The following SPHK2 variants were observed in gnomAD, a reference collection of about 807,000 sequenced individuals.
SPHK2 encodes sphingosine kinase 2.
Under a neutral mutation model 32.3 loss-of-function variants are expected in SPHK2, and 18 were observed. The ratio of observed to expected loss-of-function variants is 0.56; its 90% CI spans 0.39 to 0.83. The LOEUF (loss-of-function observed/expected upper bound fraction) is 0.83, where lower values mean the gene tolerates loss of function less well. Among genes scored for constraint, SPHK2 ranks in the 40% least tolerant of loss-of-function variants. The pLI is 0.00. For missense variants in SPHK2, 850 were observed against 908.7 expected (o/e 0.94, Z 0.83); for synonymous variants, 462 against 417.6 (o/e 1.11, Z -1.30).
chr19:48,620,266 GATTAA>G (rs1974348716), intron 1 of SPHK2, 131 bp from the exon 2 acceptor site: 2 of 495,780 alleles, frequency 4.0e-6, no homozygotes, highest in African/African-American at 3.8e-5. Context: ...CTGGGGCAGT[GATTAA>G]AATGACTTAT....
rs775688064 is a variant in SPHK2, at chr19:48,629,261, C to A, written c.1453C>A (p.Pro485Thr). The stretch of plus-strand genomic sequence containing the variant: ...CTCTCCCAAGGCAGCTCTACACTCA[C>A]CCGTCTCCGAAGGGGCCCCCGTAAT... ...PGSPKAALHS[P>T]VSEGAPVIPP... The change falls in exon 7 of 7, where the codon CCC becomes ACC. Residue 485 changes from proline (P) to threonine (T), a missense_variant. Pro to Thr is a conservative substitution (Grantham distance 38). Coordinates refer to ENST00000245222, the MANE Select transcript of SPHK2 (RefSeq NM_020126.5). The A allele has an allele frequency of 2.5e-5, 41 of 1,613,572 alleles. No homozygotes were observed. Among genetic ancestry groups the A allele is most frequent in the Admixed American group, 5.0e-5 (3 of 60,006 alleles).
At chr19:48,625,844 G>A (rs1312404776) in intron 2 of SPHK2, 47 bp from the exon 3 acceptor site, 1 of 1,589,828 alleles carries the variant, frequency 6.3e-7, no homozygotes, top group Non-Finnish European at 8.5e-7. Flanking sequence ...CCCTGCCCCT[G>A]CCATGGGGTC....
intron 3 of SPHK2, chr19:48,626,665 A>C: frequency 3.7e-6 from 1 of 272,214 alleles, no homozygotes; most frequent in East Asian, 7.7e-5. Context: ...AAATACAAAA[A>C]ATTAGCCGGG....
At chr19:48,625,062 C>G (rs1025393832) in intron 2 of SPHK2, 3 of 991,670 alleles carry the variant, frequency 3.0e-6, no homozygotes, top group Non-Finnish European at 3.6e-6. Flanking sequence ...GGAGAGCAGG[C>G]GGCCAGACAC....
chr19:48,627,194 T>G (rs1346152135), intron 3 of SPHK2, among the ~76,000 whole-genome samples: 1 of 152,236 alleles, frequency 6.6e-6, no homozygotes, highest in African/African-American at 2.4e-5. Context: ...TGCTGTTCTC[T>G]TGCTAGATTT....
At position 48,629,174 on chromosome 19, in the gene SPHK2, G is replaced by A; in HGVS notation, c.1366G>A (p.Asp456Asn). Residue 456 changes from aspartate (D) to asparagine (N), a missense_variant, in exon 7 of 7, where the codon GAC becomes AAC. Coordinates refer to ENST00000245222, the MANE Select transcript of SPHK2 (RefSeq NM_020126.5). ...LNGGGPELAG[D>N]WGGAGDAPLS... ...CGGTGGGGGCCCAGAGCTGGCTGGGGACTGGGGTGGGGCTGGGGATGCTCC... is the reference window on the plus strand; with the variant it reads ...CGGTGGGGGCCCAGAGCTGGCTGGGAACTGGGGTGGGGCTGGGGATGCTCC... 1 of 1,613,456 alleles carries A rather than the reference G, an allele frequency of 6.2e-7. No homozygotes were observed. Among genetic ancestry groups the A allele is most frequent in the Non-Finnish European group, 8.5e-7 (1 of 1,179,952 alleles).
chr19:48,620,493 T>C lies in SPHK2; in HGVS notation c.-22T>C, dbSNP rs1974357535. 1 of 1,611,504 alleles carries C rather than the reference T, an allele frequency of 6.2e-7. No individual in the cohort carries two copies. Among genetic ancestry groups the C allele is most frequent in the East Asian group, 2.2e-5 (1 of 44,828 alleles). On this transcript the variant is annotated 5_prime_UTR_variant, in exon 2 of 7. The change abolishes the stop of an existing upstream ORF in the 5' untranslated region. Coordinates refer to ENST00000245222, the MANE Select transcript of SPHK2 (RefSeq NM_020126.5). ...ACCCAGGGCCAGGGTCCCGTTGATG[T>C]AACAGAGCAGAGGACCAGCAGATGA...
At position 48,626,168 on chromosome 19, in the gene SPHK2, G is replaced by GCAGCCCCTCAGACT; in HGVS notation, c.322_335dup (p.Ala113ProfsTer100). 6.3e-7 allele frequency: 1 copy of GCAGCCCCTCAGACT among 1,595,898 alleles called. No individual in the cohort carries two copies. Among genetic ancestry groups the GCAGCCCCTCAGACT allele is most frequent in the Non-Finnish European group, 8.5e-7 (1 of 1,171,682 alleles). On this transcript the variant is annotated frameshift_variant, in exon 3 of 7. Transcript: ENST00000245222. LOFTEE classifies it high-confidence loss of function. The stretch of plus-strand genomic sequence containing the variant: ...TCAGGCTGCTGCACCCTGCGAAGCC[G>GCAGCCCCTCAGACT]CAGCCCCTCAGACTCAGCGGCCTAC...
chr19:48,625,363 T>C (rs1360005827), intron 2 of SPHK2: 11 of 1,156,530 alleles, frequency 9.5e-6, no homozygotes, highest in Non-Finnish European at 1.1e-5. Context: ...ATTGCGTTTG[T>C]GATTGTTTTG....
chr19:48,625,233 G>T (rs894029404), intron 2 of SPHK2: 1 of 1,069,060 alleles, frequency 9.4e-7, no homozygotes, highest in Middle Eastern at 4.5e-4. Flanking sequence ...ACTCTGTCTT[G>T]CCTTTCTCGT....
chr19:48,627,574 G>T (rs2147692276), intron 3 of SPHK2, 118 bp from the exon 4 acceptor site: 2 of 1,260,958 alleles, frequency 1.6e-6, no homozygotes, highest in Middle Eastern at 2.9e-4. Context: ...CCACATGAGA[G>T]CCAGCAGGTC....
chr19:48,622,276 A>AAT lies in SPHK2; in HGVS notation c.39+1724_39+1725insTA, dbSNP rs1555740773. Among the ~76,000 whole-genome samples, 275 of 143,296 alleles carry AAT rather than the reference A, an allele frequency of 1.9e-3. 4 individuals carry two copies. Among genetic ancestry groups the AAT allele is most frequent in the African/African-American group, 6.7e-3 (261 of 39,046 alleles). The allele number at this position is 143,296 out of a possible 152,430, so 94.0% of individuals were successfully genotyped here. ...TCCGTCTCAAAAAAAAAAAAAATAAAAAAAAATAAAGGACTCAATCTCTTT... is the reference window on the plus strand; with the variant it reads ...TCCGTCTCAAAAAAAAAAAAAATAAAATAAAAAATAAAGGACTCAATCTCTTT... On this transcript the variant is annotated intron_variant, in intron 2 of 6. Coordinates refer to ENST00000245222, the MANE Select transcript of SPHK2 (RefSeq NM_020126.5).
chr19:48,627,833 T>C lies in SPHK2; in HGVS notation c.653T>C (p.Ile218Thr), dbSNP rs774157981. 2.5e-5 allele frequency: 40 copies of C among 1,611,178 alleles called. No homozygotes were observed. Among genetic ancestry groups the C allele is most frequent in the Non-Finnish European group, 3.2e-5 (38 of 1,178,546 alleles). The change falls in exon 4 of 7, where the codon ATC becomes ACC. Residue 218 changes from isoleucine (I) to threonine (T), a missense_variant. Coordinates refer to ENST00000245222, the MANE Select transcript of SPHK2 (RefSeq NM_020126.5). ...GAAGCTGGGCTGTCCTTCAACCTCA[T>C]CCAGACAGGTAAGGGCCAGTGAGAA... ...ISEAGLSFNL[I>T]QTERQNHARE...
In SPHK2 at chr19:48,629,327, C is replaced by CGCGG. The variant is rs754832870; in HGVS notation, c.1520_1521insCGGG (p.Val508GlyfsTer46). On this transcript the variant is annotated frameshift_variant, in exon 7 of 7. Coordinates refer to ENST00000245222, the MANE Select transcript of SPHK2 (RefSeq NM_020126.5). LOFTEE classifies it low-confidence loss of function (END_TRUNC). ...GCTCCCACTTCCCACCCCTGATGCC[C>CGCGG]GGGTAGGGGCCTCCACCTGCGGCCC... 6.2e-7 allele frequency: 1 copy of CGCGG among 1,613,214 alleles called. No homozygotes were observed. The highest frequency in any genetic ancestry group is 1.1e-5 in the South Asian group (1 of 91,088).
chr19:48,622,757 C>CTTTTTTTTT lies in SPHK2; in HGVS notation c.39+2222_39+2230dup, dbSNP rs779108312. Among the ~76,000 whole-genome samples the CTTTTTTTTT allele has an allele frequency of 1.8e-5, 2 of 108,546 alleles. 1 individual carries two copies. The highest frequency in any genetic ancestry group is 6.6e-5 in the African/African-American group (2 of 30,250). The allele number at this position is 108,546 out of a possible 152,430, so 71.2% of individuals were successfully genotyped here. ...CAAACTTCTTCCTACATTTGTCTCTCTTTTTTTTTTTTTTTTTTTTTTTTT... is the reference window on the plus strand; with the variant it reads ...CAAACTTCTTCCTACATTTGTCTCTCTTTTTTTTTTTTTTTTTTTTTTTTTTTTTTTTTT... On this transcript the variant is annotated intron_variant, in intron 2 of 6. Transcript: ENST00000245222.
intron 2 of SPHK2, among the ~76,000 whole-genome samples, chr19:48,621,894 G>T (rs1182296235): frequency 6.6e-6 from 1 of 152,158 alleles, no homozygotes; most frequent in African/African-American, 2.4e-5. Context: ...TCTTCACGAT[G>T]CCTGGGAAAG....
intron 3 of SPHK2, among the ~76,000 whole-genome samples, chr19:48,627,121 C>G (rs1368670907): frequency 6.6e-6 from 1 of 152,168 alleles, no homozygotes; most frequent in Non-Finnish European, 1.5e-5. Flanking sequence ...GCGACAAGAC[C>G]GATACTCCAT....
intron 1 of SPHK2, 71 bp downstream of exon 1, chr19:48,619,614 C>A (rs911030047): frequency 1.0e-5 from 2 of 193,128 alleles, no homozygotes; most frequent in Admixed American, 5.4e-5. Context: ...CGGGCGTTTC[C>A]TTATCAGGTT....
chr19:48,623,239 CAAAAAAAAAA>C (rs577386352), intron 2 of SPHK2: 2 of 83,910 alleles, frequency 2.4e-5, no homozygotes, highest in Non-Finnish European at 4.9e-5. Context: ...GACTCCATCT[CAAAAAAAAAA>C]AAAAAAAAAG....
Sources: allele counts gnomAD v4.1 joint callset (sites outside exome capture counted in the v4.1 genomes callset), GRCh38; gene constraint gnomAD v4.1.1; transcripts MANE v1.5; gene names NCBI Gene and HGNC (gene_info 2026-07-23, HGNC 2026-07-21).